Variants in HNF4G observed in about 807,000 individuals in gnomAD.
The protein encoded by HNF4G is hepatocyte nuclear factor 4-gamma.
Under a neutral mutation model 50.9 loss-of-function variants are expected in HNF4G, and 21 were observed. The observed-to-expected ratio is 0.41, with a 90% confidence interval of 0.29 to 0.59. HNF4G has a LOEUF of 0.59. HNF4G is among the 20% of genes least tolerant of loss of function. HNF4G has a pLI of 0.26. For missense variants in HNF4G, 527 were observed against 559.4 expected (o/e 0.94, Z 0.58); for synonymous variants, 198 against 185.6 (o/e 1.07, Z -0.54).
At chr8:75,554,486 G>A (rs753829071) in intron 5 of HNF4G, among the ~76,000 whole-genome samples, 1 of 152,114 alleles carries the variant, frequency 6.6e-6, no homozygotes, top group African/African-American at 2.4e-5. Flanking sequence ...TTAGCTTTCA[G>A]TTGCACTATA....
intron 2 of HNF4G, among the ~76,000 whole-genome samples, chr8:75,511,366 C>G (rs1382522261): frequency 6.6e-6 from 1 of 152,146 alleles, no homozygotes. Flanking sequence ...ATACGTTTGC[C>G]TTAATATGTA....
At chr8:75,539,856 T>A (rs551407824), upstream of HNF4G, 61 of 630,018 alleles carry the variant, frequency 9.7e-5, no homozygotes, top group Non-Finnish European at 1.6e-4. Context: ...GTCACTCAGT[T>A]ACAGTTAACT....
intron 1 of HNF4G, among the ~76,000 whole-genome samples, chr8:75,486,761 C>T (rs1563525190): frequency 6.6e-6 from 1 of 152,216 alleles, no homozygotes; most frequent in South Asian, 2.1e-4. Context: ...CCCAGCGCTT[C>T]GGGAGGTTGA....
intron 1 of HNF4G, among the ~76,000 whole-genome samples, chr8:75,476,338 T>C (rs1328695808): frequency 6.6e-6 from 1 of 152,210 alleles, no homozygotes; most frequent in Non-Finnish European, 1.5e-5. Context: ...CAATCATTCA[T>C]TGATGAATAC....
intron 1 of HNF4G, among the ~76,000 whole-genome samples, chr8:75,489,122 C>A (rs72660022): frequency 0.16 from 23,937 of 151,978 alleles, 3,135 homozygotes; most frequent in African/African-American, 0.36. Context: ...GTTGGAGCCA[C>A]GCATATATTC....
At position 75,566,366 on chromosome 8, in the gene HNF4G, C is replaced by G. The variant is rs1457431963; in HGVS notation, c.*2270C>G. 6.6e-6 allele frequency: 1 copy of G among 152,316 alleles called. No homozygotes were observed. Among genetic ancestry groups the G allele is most frequent in the Non-Finnish European group, 1.5e-5 (1 of 67,994 alleles). 9.4% of individuals were successfully genotyped at this position (152,316 alleles called of 1,614,324 possible). On this transcript the variant is annotated 3_prime_UTR_variant, in exon 10 of 10. Coordinates refer to ENST00000396423, the MANE Select transcript of HNF4G (RefSeq NM_004133.5). The stretch of plus-strand genomic sequence containing the variant: ...GTGAATTTTGGAAAACACAAAAATT[C>G]AGAACATAGCAAATACCTTTGAAGT...
chr8:75,525,901 G>GAAAC (rs578098267), intron 2 of HNF4G, among the ~76,000 whole-genome samples: 11 of 151,972 alleles, frequency 7.2e-5, no homozygotes, highest in Non-Finnish European at 1.5e-5. Flanking sequence ...GGTGGATGAG[G>GAAAC]AAACAAACAA....
At chr8:75,528,514 A>C (rs923431812) in intron 2 of HNF4G, among the ~76,000 whole-genome samples, 5 of 152,202 alleles carry the variant, frequency 3.3e-5, no homozygotes, top group Non-Finnish European at 5.9e-5. Context: ...TCTGTAAAAT[A>C]CTTCACTTTC....
chr8:75,448,064 A>C (rs1377831980), intron 1 of HNF4G, among the ~76,000 whole-genome samples: 1 of 79,284 alleles, frequency 1.3e-5, no homozygotes, highest in Non-Finnish European at 2.4e-5. Flanking sequence ...CTGGATTAAG[A>C]AAATGTGGCA....
chr8:75,540,115 G>A (rs1289710918), intron 1 of HNF4G, 35 bp downstream of exon 1: 1 of 1,215,064 alleles, frequency 8.2e-7, no homozygotes, highest in African/African-American at 1.5e-5. Context: ...GTAAAGAAAA[G>A]TAAGTATAAT....
intron 3 of HNF4G, among the ~76,000 whole-genome samples, chr8:75,550,385 T>C (rs1322164309): frequency 6.6e-6 from 1 of 152,120 alleles, no homozygotes; most frequent in African/African-American, 2.4e-5. Flanking sequence ...CGATCTTGGC[T>C]CACTCTGACC....
intron 1 of HNF4G, among the ~76,000 whole-genome samples, 184 bp downstream of exon 1, chr8:75,540,264 A>G (rs1806577824): frequency 1.3e-5 from 2 of 152,092 alleles, no homozygotes; most frequent in Non-Finnish European, 2.9e-5. Context: ...TGCTGTGGCT[A>G]TTTTGTGTTA....
At chr8:75,543,161 C>T (rs942477946) in intron 1 of HNF4G, among the ~76,000 whole-genome samples, 2 of 152,004 alleles carry the variant, frequency 1.3e-5, no homozygotes, top group African/African-American at 4.8e-5. Context: ...GAGCCGAGAT[C>T]GCACCACTAC....
chr8:75,561,675 T>C (rs1401519223), intron 9 of HNF4G, among the ~76,000 whole-genome samples: 2 of 152,178 alleles, frequency 1.3e-5, no homozygotes, highest in Non-Finnish European at 2.9e-5. Flanking sequence ...ATGAAATTGC[T>C]CACTCTTAAT....
At chr8:75,474,338 T>C (rs1812190240) in intron 1 of HNF4G, among the ~76,000 whole-genome samples, 1 of 152,252 alleles carries the variant, frequency 6.6e-6, no homozygotes, top group African/African-American at 2.4e-5. Context: ...ACATTTACTT[T>C]GCTAGGTAAG....
At chr8:75,485,733 A>G (rs1428823211) in intron 1 of HNF4G, 1 of 152,220 alleles carries the variant, frequency 6.6e-6, no homozygotes, top group Non-Finnish European at 1.5e-5. Flanking sequence ...ATAATTTAAA[A>G]TCTATCTCTA....
At chr8:75,553,719 T>C (rs1369078220) in intron 5 of HNF4G, among the ~76,000 whole-genome samples, 2 of 152,138 alleles carry the variant, frequency 1.3e-5, no homozygotes, top group Non-Finnish European at 2.9e-5. Flanking sequence ...CTAGAATTTA[T>C]TGTATAAAAG....
At chr8:75,517,908 C>A (rs1805936133) in intron 2 of HNF4G, among the ~76,000 whole-genome samples, 1 of 152,114 alleles carries the variant, frequency 6.6e-6, no homozygotes, top group African/African-American at 2.4e-5. Context: ...CTCCCAGGCA[C>A]CATACCTCTG....
intron 1 of HNF4G, among the ~76,000 whole-genome samples, chr8:75,481,462 G>A (rs1812376894): frequency 6.6e-6 from 1 of 151,274 alleles, no homozygotes; most frequent in South Asian, 2.1e-4. Flanking sequence ...AAAAACTTTC[G>A]TTCCCTGGAA....
Sources: allele counts gnomAD v4.1 joint callset (sites outside exome capture counted in the v4.1 genomes callset), GRCh38; gene constraint gnomAD v4.1.1; transcripts MANE v1.5; gene names NCBI Gene and HGNC (gene_info 2026-07-23, HGNC 2026-07-21).